Variants in FRMPD3 observed in about 807,000 individuals in gnomAD.
The protein encoded by FRMPD3 is FERM and PDZ domain containing 3.
A neutral mutation model predicts 97.9 loss-of-function variants in FRMPD3; 42 were observed. The ratio of observed to expected loss-of-function variants is 0.43; its 90% CI spans 0.34 to 0.55. FRMPD3 has a LOEUF of 0.55. Among genes scored for constraint, FRMPD3 ranks in the 20% least tolerant of loss-of-function variants. The pLI is 0.03. For missense variants in FRMPD3, 1,303 were observed against 1,457.7 expected, an observed-to-expected ratio of 0.89 and a Z score of 1.73; for synonymous variants, 577 against 581.1, an observed-to-expected ratio of 0.99 and a Z score of 0.10.
chrX:107,587,609 A>C (rs1235835582), intron 13 of FRMPD3, among the ~76,000 whole-genome samples: 1 of 111,512 alleles, frequency 9.0e-6, no homozygotes, highest in Non-Finnish European at 1.9e-5. Flanking sequence ...TTCCAAATTT[A>C]GTGCTTCTTT....
At chrX:107,462,952 C>G (rs1415889942) in intron 1 of FRMPD3, among the ~76,000 whole-genome samples, 1 of 111,776 alleles carries the variant, frequency 8.9e-6, no homozygotes, top group African/African-American at 3.3e-5. Context: ...TCTGCCACCA[C>G]CCCCACAACC....
At chrX:107,561,806 AG>A (rs1922373905) in intron 10 of FRMPD3, among the ~76,000 whole-genome samples, 1 of 112,623 alleles carries the variant, frequency 8.9e-6, no homozygotes, top group Non-Finnish European at 1.9e-5. Flanking sequence ...ATATTTAATC[AG>A]ATTGTTTTCT....
At chrX:107,461,193 T>C (rs1408407277) in intron 1 of FRMPD3, among the ~76,000 whole-genome samples, 3 of 112,117 alleles carry the variant, frequency 2.7e-5, no homozygotes, top group African/African-American at 9.7e-5. Context: ...GAGCTCCAGT[T>C]GCATTTCATT....
At position 107,605,148 on chromosome X, in the gene FRMPD3, T is replaced by C. The variant is rs1043369683; in HGVS notation, c.*1775T>C. The C allele has an allele frequency of 6.3e-5, 7 of 111,075 alleles. No individual in the cohort carries two copies. The highest frequency in any genetic ancestry group is 9.6e-5 in the Admixed American group (1 of 10,370). 9.2% of individuals were successfully genotyped at this position (111,075 alleles called of 1,213,427 possible). Reference sequence around the variant, plus strand: ...GAGAGGAAACATTTTCTAATGTCTGTATATAGTATATATACTACATAAAAT... The same window carrying C: ...GAGAGGAAACATTTTCTAATGTCTGCATATAGTATATATACTACATAAAAT... On this transcript the variant is annotated 3_prime_UTR_variant, in exon 15 of 15. Transcript: ENST00000683843.
intron 8 of FRMPD3, chrX:107,555,276 G>T: frequency 8.9e-6 from 1 of 111,997 alleles, no homozygotes; most frequent in Non-Finnish European, 1.9e-5. Context: ...GAGGAGTAGG[G>T]AATAAAATTG....
chrX:107,585,424 T>A (rs1213342931), intron 13 of FRMPD3, among the ~76,000 whole-genome samples: 3 of 111,828 alleles, frequency 2.7e-5, no homozygotes, highest in Non-Finnish European at 5.6e-5. Flanking sequence ...CCTATTTGAA[T>A]ACACTTTATT....
At chrX:107,450,463 G>A (rs1162322738) in intron 1 of FRMPD3, among the ~76,000 whole-genome samples, 1 of 109,495 alleles carries the variant, frequency 9.1e-6, no homozygotes, top group Non-Finnish European at 1.9e-5. Flanking sequence ...CGTGGTTCCC[G>A]GGGCCATGTT....
intron 2 of FRMPD3, among the ~76,000 whole-genome samples, chrX:107,527,261 C>T: frequency 8.9e-6 from 1 of 112,230 alleles, no homozygotes. Context: ...ATAATGGAAT[C>T]TCTGAATGCT....
intron 13 of FRMPD3, among the ~76,000 whole-genome samples, chrX:107,581,944 G>T (rs1923409535): frequency 9.0e-6 from 1 of 110,893 alleles, no homozygotes; most frequent in African/African-American, 3.3e-5. Flanking sequence ...TGACTATTAT[G>T]AATAATGTTG....
chrX:107,555,828 C>CAT (rs1351135333), intron 8 of FRMPD3, among the ~76,000 whole-genome samples: 3 of 111,773 alleles, frequency 2.7e-5, no homozygotes, highest in Non-Finnish European at 5.6e-5. Context: ...AAAGACCACA[C>CAT]AGTGCTAAGG....
At chrX:107,570,421 A>G (rs910250634) in intron 12 of FRMPD3, among the ~76,000 whole-genome samples, 5 of 109,153 alleles carry the variant, frequency 4.6e-5, no homozygotes, top group African/African-American at 1.8e-4. Context: ...CATTTAAAGT[A>G]GTTCTCAGCC....
chrX:107,479,036 C>G (rs1602754856), intron 1 of FRMPD3, among the ~76,000 whole-genome samples: 1 of 112,761 alleles, frequency 8.9e-6, no homozygotes, highest in Admixed American at 9.3e-5. Context: ...CTGAAGCCCC[C>G]CACTTGGCTG....
intron 13 of FRMPD3, among the ~76,000 whole-genome samples, chrX:107,591,084 A>T (rs1461317781): frequency 1.8e-5 from 2 of 110,108 alleles, no homozygotes; most frequent in Non-Finnish European, 3.8e-5. Context: ...TCTTTTCCTG[A>T]TACTGTCTAT....
intron 13 of FRMPD3, among the ~76,000 whole-genome samples, chrX:107,586,880 A>G (rs1390448184): frequency 8.9e-6 from 1 of 112,122 alleles, no homozygotes; most frequent in African/African-American, 3.2e-5. Context: ...TATGTGGTTG[A>G]TTTTAGAATA....
At chrX:107,564,723 A>G (rs977377083) in intron 11 of FRMPD3, among the ~76,000 whole-genome samples, 164 bp from the exon 12 acceptor site, 1 of 111,946 alleles carries the variant, frequency 8.9e-6, no homozygotes, top group African/African-American at 3.3e-5. Context: ...TCTGTCCCAG[A>G]CCATTTTCCC....
Position 107,602,326 on chromosome X carries a change from G to A in FRMPD3, c.4287G>A (p.Glu1429=), listed in dbSNP as rs748038971. Residue 1429 remains glutamate (E), a synonymous_variant, in exon 15 of 15, where the codon GAG becomes GAA. Transcript: ENST00000683843. ...GMLPREAKEV[E]ASLPIALGPK... ...TGCCCAGGGAGGCCAAGGAGGTAGA[G>A]GCAAGCCTCCCCATAGCCTTGGGTC... The A allele has an allele frequency of 5.8e-6, 7 of 1,210,564 alleles. No individual in the cohort carries two copies. The highest frequency in any genetic ancestry group is 5.3e-5 in the South Asian group (3 of 56,960).
At chrX:107,456,501 T>A (rs1756001355) in intron 1 of FRMPD3, among the ~76,000 whole-genome samples, 1 of 112,198 alleles carries the variant, frequency 8.9e-6, no homozygotes, top group Admixed American at 9.4e-5. Flanking sequence ...TCCTAATATT[T>A]CTCTATGCAT....
intron 13 of FRMPD3, among the ~76,000 whole-genome samples, chrX:107,591,250 C>T (rs898509325): frequency 9.2e-6 from 1 of 109,131 alleles, no homozygotes; most frequent in African/African-American, 3.3e-5. Context: ...CTCCACCTCC[C>T]GGGTTCAAAC....
At chrX:107,545,686 T>C (rs1054765976) in intron 4 of FRMPD3, 51 bp from the exon 5 acceptor site, 1 of 1,032,263 alleles carries the variant, frequency 9.7e-7, no homozygotes. Context: ...TGACAAAGGT[T>C]AGGCTTTCCC....
Sources: allele counts gnomAD v4.1 joint callset (sites outside exome capture counted in the v4.1 genomes callset), GRCh38; gene constraint gnomAD v4.1.1; transcripts MANE v1.5; gene names NCBI Gene and HGNC (gene_info 2026-07-23, HGNC 2026-07-21).